KLRG2: variants seen among roughly 807,000 people sequenced by gnomAD.
The protein encoded by KLRG2 is killer cell lectin like receptor G2, also known as killer cell lectin-like receptor subfamily G member 2.
A neutral mutation model predicts 35.4 loss-of-function variants in KLRG2; 39 were observed. That is an observed-to-expected ratio of 1.10 (90% CI 0.85 to 1.44). The LOEUF is 1.44. Ranked by LOEUF, KLRG2 falls within the 40% of genes most tolerant of loss-of-function variation. The pLI is 0.00. For synonymous variants in KLRG2, 283 were observed against 265.8 expected, an observed-to-expected ratio of 1.06 and a Z score of -0.63; for missense variants, 632 against 570.9, an observed-to-expected ratio of 1.11 and a Z score of -1.09.
chr7:139,434,447 C>A, the KLRG2 span, among the ~76,000 whole-genome samples: 1 of 152,148 alleles, frequency 6.6e-6, no homozygotes, highest in African/African-American at 2.4e-5. Flanking sequence ...ACAGCCAAGC[C>A]CCTTTACACG....
chr7:139,431,036 A>G, the KLRG2 span, among the ~76,000 whole-genome samples: 1 of 143,038 alleles, frequency 7.0e-6, no homozygotes, highest in Non-Finnish European at 1.5e-5. Flanking sequence ...AAAAAGGTTA[A>G]ATTGTGATAC....
At chr7:139,433,836 C>A in the KLRG2 span, among the ~76,000 whole-genome samples, 1 of 152,030 alleles carries the variant, frequency 6.6e-6, no homozygotes, top group African/African-American at 2.4e-5. Context: ...GGGTTTCAAC[C>A]ATGTTGGCCA....
intron 3 of KLRG2, among the ~76,000 whole-genome samples, chr7:139,460,236 C>A (rs1277541293): frequency 1.3e-5 from 2 of 152,176 alleles, no homozygotes; most frequent in East Asian, 3.9e-4. Context: ...GTTTCCTGAG[C>A]CTGCCATGGG....
intron 3 of KLRG2, among the ~76,000 whole-genome samples, chr7:139,471,636 G>A (rs1256223385): frequency 6.6e-6 from 1 of 152,074 alleles, no homozygotes; most frequent in Non-Finnish European, 1.5e-5. Context: ...ACTCCAGCCT[G>A]GACAGCTGAG....
intron 3 of KLRG2, among the ~76,000 whole-genome samples, chr7:139,454,764 C>A (rs899867387): frequency 1.3e-5 from 2 of 150,924 alleles, no homozygotes; most frequent in Admixed American, 6.6e-5. Flanking sequence ...TGCAGTAAGC[C>A]GAGATTGCGC....
At chr7:139,457,928 G>C (rs1257172369) in intron 3 of KLRG2, among the ~76,000 whole-genome samples, 1 of 152,194 alleles carries the variant, frequency 6.6e-6, no homozygotes, top group African/African-American at 2.4e-5. Context: ...AAGATCCTGA[G>C]GCCTCCTTAA....
chr7:139,478,630 A>G (rs1796898305), intron 3 of KLRG2, among the ~76,000 whole-genome samples: 1 of 151,212 alleles, frequency 6.6e-6, no homozygotes, highest in African/African-American at 2.4e-5. Flanking sequence ...AGATTATGCC[A>G]CTGCACTCCA....
intron 3 of KLRG2, among the ~76,000 whole-genome samples, chr7:139,459,424 C>T (rs2116436661): frequency 6.6e-6 from 1 of 152,366 alleles, no homozygotes; most frequent in Admixed American, 6.5e-5. Flanking sequence ...GCTCCTGGCC[C>T]TAACTCTAGG....
the KLRG2 span, among the ~76,000 whole-genome samples, chr7:139,439,548 G>T: frequency 6.6e-6 from 1 of 152,184 alleles, no homozygotes; most frequent in East Asian, 1.9e-4. Context: ...CAGAGCAGCC[G>T]ACACTCATGA....
At chr7:139,458,751 C>G (rs1202864026) in intron 3 of KLRG2, among the ~76,000 whole-genome samples, 1 of 152,224 alleles carries the variant, frequency 6.6e-6, no homozygotes, top group Non-Finnish European at 1.5e-5. Context: ...CCCTCCTCCA[C>G]TCTGCAAAGC....
intron 3 of KLRG2, among the ~76,000 whole-genome samples, chr7:139,476,373 G>A (rs765499688): frequency 3.3e-5 from 5 of 152,148 alleles, no homozygotes; most frequent in Non-Finnish European, 5.9e-5. Flanking sequence ...AGCAGGCCTG[G>A]TGAGCAACAG....
At chr7:139,447,673 G>C in the KLRG2 span, among the ~76,000 whole-genome samples, 273 of 152,136 alleles carry the variant, frequency 1.8e-3, 1 homozygote, top group Non-Finnish European at 3.6e-3. Flanking sequence ...AAAGTGCTGG[G>C]ACTACAGGTG....
Position 139,453,574 on chromosome 7 carries a change from G to T in KLRG2, c.*13C>A, listed in dbSNP as rs374329815. ...CATCTGCCTGGCAGGCTGAGGACCAGGCAGAGCCCAGATCACTGGGTCCCC... is the reference window on the plus strand; with the variant it reads ...CATCTGCCTGGCAGGCTGAGGACCATGCAGAGCCCAGATCACTGGGTCCCC... On this transcript the variant is annotated 3_prime_UTR_variant, in exon 5 of 5. Coordinates refer to ENST00000340940, the MANE Select transcript of KLRG2 (RefSeq NM_198508.4). 36 of 1,584,736 alleles carry T rather than the reference G, an allele frequency of 2.3e-5. No individual in the cohort carries two copies. The highest frequency in any genetic ancestry group is 2.9e-5 in the Non-Finnish European group (34 of 1,165,658).
At chr7:139,467,305 C>T (rs1387728426) in intron 3 of KLRG2, among the ~76,000 whole-genome samples, 1 of 152,104 alleles carries the variant, frequency 6.6e-6, no homozygotes, top group African/African-American at 2.4e-5. Flanking sequence ...GGCCTCTGAG[C>T]CCAAGCTAAG....
chr7:139,429,326 A>G, the KLRG2 span, among the ~76,000 whole-genome samples: 1 of 151,590 alleles, frequency 6.6e-6, no homozygotes, highest in East Asian at 1.9e-4. Context: ...TAAATAAATC[A>G]TCACTTCAAG....
the KLRG2 span, among the ~76,000 whole-genome samples, chr7:139,433,817 G>A: frequency 4.6e-5 from 7 of 151,610 alleles, no homozygotes; most frequent in African/African-American, 7.3e-5. Context: ...TGTATTTTTA[G>A]TAGAGACAGG....
chr7:139,441,363 T>C, the KLRG2 span, among the ~76,000 whole-genome samples: 4 of 151,986 alleles, frequency 2.6e-5, no homozygotes, highest in South Asian at 8.3e-4. Flanking sequence ...TCAGCAACTG[T>C]CACAAGGACA....
At chr7:139,471,609 C>T (rs1471684956) in intron 3 of KLRG2, among the ~76,000 whole-genome samples, 1 of 151,876 alleles carries the variant, frequency 6.6e-6, no homozygotes. Context: ...TGCAGTGAGC[C>T]GAGATCGTGC....
chr7:139,432,920 C>A, the KLRG2 span, among the ~76,000 whole-genome samples: 1 of 152,154 alleles, frequency 6.6e-6, no homozygotes, highest in African/African-American at 2.4e-5. Context: ...CAACACCCAA[C>A]TCCCACCCAG....
Sources: allele counts gnomAD v4.1 joint callset (sites outside exome capture counted in the v4.1 genomes callset), GRCh38; gene constraint gnomAD v4.1.1; transcripts MANE v1.5; gene names NCBI Gene and HGNC (gene_info 2026-07-23, HGNC 2026-07-21).